MED24: variants seen among roughly 807,000 people sequenced by gnomAD.
MED24 encodes the protein mediator complex subunit 24.
Under a neutral mutation model 118.8 loss-of-function variants are expected in MED24, and 74 were observed. The ratio of observed to expected loss-of-function variants is 0.62; its 90% confidence interval spans 0.52 to 0.76. The LOEUF is 0.76. MED24 is among the 30% of genes least tolerant of loss of function. The pLI is 0.00. For missense variants in MED24, 1,041 were observed against 1,278.9 expected, an observed-to-expected ratio of 0.81 and a Z score of 2.84; for synonymous variants, 521 against 523.9, an observed-to-expected ratio of 0.99 and a Z score of 0.08.
intron 3 of MED24, among the ~76,000 whole-genome samples, chr17:40,042,148 C>A (rs1240593458): frequency 6.6e-6 from 1 of 152,142 alleles, no homozygotes; most frequent in Non-Finnish European, 1.5e-5. Context: ...CCAGAGTGAT[C>A]TTTTTAAAAT....
Position 40,022,687 on chromosome 17 carries a change from T to C in MED24, c.2390A>G (p.Lys797Arg). The C allele has an allele frequency of 1.9e-6, 3 of 1,613,806 alleles. No homozygotes were observed. The highest frequency in any genetic ancestry group is 2.5e-6 in the Non-Finnish European group (3 of 1,179,970). ...ILPGLLTDSS[K>R]WHSLMDPPGT... ...CGGGGGGTCCATGAGGCTGTGCCAC[T>C]TGGAGGAGTCAGTGAGCAGGCCAGG... Residue 797 changes from lysine to arginine, a missense_variant, in exon 21 of 26, where the codon AAG becomes AGG. Physicochemically the swap from Lys to Arg is conservative, Grantham distance 26. This residue lies in a region of MED24 where 587 missense variants were observed against 694.4 expected (regional missense o/e 0.85). Transcript: ENST00000394128.
rs1293016940 is a variant in MED24, at chr17:40,029,813, C to T, written c.1201G>A (p.Ala401Thr). 6.2e-7 allele frequency: 1 copy of T among 1,614,154 alleles called. No individual in the cohort carries two copies. The highest frequency in any genetic ancestry group is 8.5e-7 in the Non-Finnish European group (1 of 1,180,002). The change falls in exon 13 of 26, where the codon GCC (alanine) becomes ACC (threonine). Residue 401 changes from alanine to threonine, a missense_variant. This residue lies in a region of MED24 where 434 missense variants were observed against 514.9 expected (regional missense o/e 0.84). Transcript: ENST00000394128. Reference protein sequence around the residue: ...HAPQQKSGENANIQPNIQLIL... With the variant: ...HAPQQKSGENTNIQPNIQLIL... ...AGCTGGATGTTGGGCTGGATGTTGG[C>T]ATTCTCTCCCGATTTCTGCTGGGGT...
chr17:40,034,780 G>T, intron 6 of MED24: 1 of 624,674 alleles, frequency 1.6e-6, no homozygotes, highest in East Asian at 2.8e-5. Context: ...CGTCTGTGAT[G>T]TACTAGTCTT....
At chr17:40,039,290 A>G (rs1435971525) in intron 3 of MED24, among the ~76,000 whole-genome samples, 1 of 152,304 alleles carries the variant, frequency 6.6e-6, no homozygotes, top group South Asian at 2.1e-4. Context: ...GATCTGGCCT[A>G]TTCAAGTCTT....
intron 3 of MED24, among the ~76,000 whole-genome samples, chr17:40,052,687 A>G (rs8065443): frequency 0.62 from 93,849 of 151,968 alleles, 29,165 homozygotes; most frequent in South Asian, 0.74. Flanking sequence ...CTGTAGCCTC[A>G]AACTCCTGGG....
In MED24 at chr17:40,029,837, G is replaced by A; in HGVS notation, c.1177C>T (p.Pro393Ser). The change falls in exon 13 of 26, where the codon CCC (proline) becomes TCC (serine). Residue 393 changes from proline (P) to serine (S), a missense_variant. This residue lies in a region of MED24 where 434 missense variants were observed against 514.9 expected (regional missense o/e 0.84). Coordinates refer to ENST00000394128, the MANE Select transcript of MED24 (RefSeq NM_014815.4). ...GCATTCTCTCCCGATTTCTGCTGGG[G>A]TGCGTGCTCTCGGTCCGCTTTGCTG... ...AKRKADREHAPQQKSGENANI... is the reference protein window; with the variant it reads ...AKRKADREHASQQKSGENANI... 1 of 1,614,192 alleles carries A rather than the reference G, an allele frequency of 6.2e-7. No homozygotes were observed. Among genetic ancestry groups the A allele is most frequent in the Non-Finnish European group, 8.5e-7 (1 of 1,180,026 alleles).
intron 3 of MED24, among the ~76,000 whole-genome samples, chr17:40,039,389 C>G (rs769543882): frequency 5.9e-5 from 9 of 152,114 alleles, no homozygotes; most frequent in African/African-American, 9.7e-5. Context: ...GTGGCTAGCC[C>G]CACCTGACCC....
chr17:40,027,214 C>A, intron 16 of MED24, 169 bp downstream of exon 16: 1 of 1,085,324 alleles, frequency 9.2e-7, no homozygotes, highest in South Asian at 1.5e-5. Context: ...TCAATGTGAA[C>A]ATAGGGCTGA....
At chr17:40,053,690 C>G (rs767895438) in intron 1 of MED24, 55 bp from the exon 2 acceptor site, 1 of 1,600,582 alleles carries the variant, frequency 6.2e-7, no homozygotes, top group Middle Eastern at 1.7e-4. Context: ...CTAAGGAGAA[C>G]CGGGGAAGGC....
intron 13 of MED24, among the ~76,000 whole-genome samples, chr17:40,029,233 C>G (rs1171513245): frequency 2.0e-5 from 3 of 152,186 alleles, no homozygotes; most frequent in African/African-American, 7.2e-5. Context: ...GAGTCTCGCT[C>G]TATCGCTGAG....
chr17:40,022,992 A>T, intron 20 of MED24, 139 bp downstream of exon 20: 7 of 1,363,732 alleles, frequency 5.1e-6, no homozygotes, highest in Non-Finnish European at 6.9e-6. Flanking sequence ...CTCCCCAAGG[A>T]GGCAACTCTG....
At chr17:40,022,210 T>G (rs1255565189) in intron 22 of MED24, among the ~76,000 whole-genome samples, 156 bp from the exon 23 acceptor site, 1 of 152,188 alleles carries the variant, frequency 6.6e-6, no homozygotes. Context: ...GACAGGCCCC[T>G]TGTGCCCATG....
chr17:40,023,020 G>A, intron 20 of MED24, 111 bp downstream of exon 20: 1 of 1,450,478 alleles, frequency 6.9e-7, no homozygotes. Context: ...GCATTCCGGG[G>A]AGGCCACCTG....
chr17:40,031,659 CACCA>C, intron 10 of MED24, 39 bp from the exon 11 acceptor site: 3 of 1,583,340 alleles, frequency 1.9e-6, no homozygotes, highest in Non-Finnish European at 2.6e-6. Context: ...TTTCCAGGGC[CACCA>C]GGCCCTGATC....
chr17:40,053,799 T>C (rs1986077059), intron 1 of MED24, 164 bp from the exon 2 acceptor site: 3 of 928,606 alleles, frequency 3.2e-6, no homozygotes, highest in South Asian at 3.3e-5. Flanking sequence ...CCTGTCAGAC[T>C]CTCTCCTCCT....
At chr17:40,050,825 A>G (rs1438851104) in intron 3 of MED24, among the ~76,000 whole-genome samples, 2 of 152,156 alleles carry the variant, frequency 1.3e-5, no homozygotes, top group Admixed American at 1.3e-4. Context: ...ACCACGATGC[A>G]ATGTATGCAC....
intron 23 of MED24, 145 bp downstream of exon 23, chr17:40,021,810 C>A (rs2144857456): frequency 3.2e-6 from 2 of 616,818 alleles, no homozygotes; most frequent in East Asian, 3.0e-5. Context: ...CAGAGCACCC[C>A]CTTGGGGGCT....
rs1047369221 is a variant in MED24 at position 40,033,661 on chromosome 17, G to C, written c.560-205C>G. ...TGGGCACCTAGAGCTGGAAACCCCA[G>C]AGACCATTCCCAAAAGCCTGATTTC... On this transcript the variant is annotated intron_variant, in intron 6 of 25. Coordinates refer to ENST00000394128, the MANE Select transcript of MED24 (RefSeq NM_014815.4). The surrounding 1 kb of genome is among the most constrained non-coding windows in gnomAD (Gnocchi z 5.2). The C allele has an allele frequency of 4.4e-6, 3 of 687,164 alleles. No individual in the cohort carries two copies. The highest frequency in any genetic ancestry group is 8.0e-6 in the Non-Finnish European group (3 of 376,040). 42.6% of individuals were successfully genotyped at this position (687,164 alleles called of 1,614,324 possible). A position where few individuals can be genotyped will look rare whatever the true frequency, so the allele number is the denominator to read the frequency against.
chr17:40,040,294 G>C (rs925575265), intron 3 of MED24, among the ~76,000 whole-genome samples: 2 of 151,992 alleles, frequency 1.3e-5, no homozygotes, highest in Non-Finnish European at 2.9e-5. Flanking sequence ...GGCCAGGCTG[G>C]TCTCGAACTC....
Sources: allele counts gnomAD v4.1 joint callset (sites outside exome capture counted in the v4.1 genomes callset), GRCh38; gene constraint gnomAD v4.1.1; regional missense constraint gnomAD v4.1.1; non-coding constraint Gnocchi (gnomAD v3.1); transcripts MANE v1.5; gene names NCBI Gene and HGNC (gene_info 2026-07-23, HGNC 2026-07-21).